ZC3HAV1: variants seen among roughly 807,000 people sequenced by gnomAD.
ZC3HAV1 encodes the protein zinc finger CCCH-type containing, antiviral 1.
A neutral mutation model predicts 86.6 loss-of-function variants in ZC3HAV1; 41 were observed. That is an observed-to-expected ratio of 0.47 (90% CI 0.37 to 0.61). The LOEUF is 0.61. ZC3HAV1 is among the 20% of genes least tolerant of loss of function. The probability of loss-of-function intolerance (pLI) is 0.00; values close to 1 mark genes in which losing one functional copy is unlikely to be tolerated. For missense variants in ZC3HAV1, 964 were observed against 1,141.1 expected (o/e 0.84, Z 2.24); for synonymous variants, 421 against 432.1 (o/e 0.97, Z 0.32).
At position 139,064,886 on chromosome 7, in the gene ZC3HAV1, A is replaced by C; in HGVS notation, c.1986T>G (p.Ser662Arg). The C allele has an allele frequency of 1.2e-6, 2 of 1,613,924 alleles. No individual in the cohort carries two copies. Among genetic ancestry groups the C allele is most frequent in the Non-Finnish European group, 1.7e-6 (2 of 1,179,970 alleles). ...CCAAACACAGAAACCCACCTTGGAAACTCAGCTCATAGTTCCGTGAGCCCG... is the reference window on the plus strand; with the variant it reads ...CCAAACACAGAAACCCACCTTGGAACCTCAGCTCATAGTTCCGTGAGCCCG... The part of the protein sequence containing the change: ...FQAGSRNYEL[S>R]FQGMIQTNIA... The change falls in exon 8 of 13, where the codon AGT (serine) becomes AGG (arginine). Residue 662 changes from serine to arginine, a missense_variant. Physicochemically the swap from Ser to Arg is moderately radical, Grantham distance 110 (BLOSUM62 -1). Coordinates refer to ENST00000242351, the MANE Select transcript of ZC3HAV1 (RefSeq NM_020119.4).
chr7:139,106,360 C>T (rs2130743800), intron 1 of ZC3HAV1, among the ~76,000 whole-genome samples: 1 of 152,332 alleles, frequency 6.6e-6, no homozygotes. Flanking sequence ...GGCCTGTAAT[C>T]CCAGCACTTT....
intron 1 of ZC3HAV1, among the ~76,000 whole-genome samples, chr7:139,095,278 A>C (rs1404571435): frequency 6.6e-6 from 1 of 152,142 alleles, no homozygotes; most frequent in African/African-American, 2.4e-5. Context: ...TGTACTTCTG[A>C]TATTCAAGAT....
At chr7:139,060,633 G>T in intron 9 of ZC3HAV1, 1 of 1,061,972 alleles carries the variant, frequency 9.4e-7, no homozygotes, top group Middle Eastern at 4.6e-4. Context: ...TTGAGCTCAG[G>T]AGTTCAAGAC....
intron 1 of ZC3HAV1, among the ~76,000 whole-genome samples, chr7:139,097,422 A>ATTTTTT (rs1563140647): frequency 1.1e-4 from 9 of 79,468 alleles, no homozygotes; most frequent in Admixed American, 2.5e-4. Flanking sequence ...ATATATATAT[A>ATTTTTT]TATATATTTT....
chr7:139,080,348 C>G, intron 3 of ZC3HAV1, 105 bp from the exon 4 acceptor site: 1 of 1,371,990 alleles, frequency 7.3e-7, no homozygotes, highest in East Asian at 2.3e-5. Flanking sequence ...GCTTTGCTAT[C>G]CAAGTGCTAT....
intron 9 of ZC3HAV1, 77 bp from the exon 10 acceptor site, chr7:139,055,372 A>G: frequency 4.6e-6 from 6 of 1,293,068 alleles, no homozygotes; most frequent in Non-Finnish European, 6.6e-6. Context: ...ACTTCCAGCC[A>G]CTAGGCCAAG....
At chr7:139,053,662 AATC>A in intron 11 of ZC3HAV1, 81 bp from the exon 12 acceptor site, 1 of 1,474,276 alleles carries the variant, frequency 6.8e-7, no homozygotes, top group Non-Finnish European at 8.9e-7. Context: ...GCTAAAGTCT[AATC>A]ATCTAAAAAT....
intron 10 of ZC3HAV1, among the ~76,000 whole-genome samples, chr7:139,054,301 C>A (rs1232757466): frequency 1.3e-5 from 2 of 152,148 alleles, no homozygotes; most frequent in African/African-American, 2.4e-5. Context: ...TCCAGGCCAA[C>A]TGAAAGCTAG....
chr7:139,075,317 T>C lies in ZC3HAV1; in HGVS notation c.1697+969A>G, dbSNP rs575478123. Among the ~76,000 whole-genome samples the C allele has an allele frequency of 5.9e-5, 9 of 152,296 alleles. No individual in the cohort carries two copies. In the South Asian group the frequency reaches 1.9e-3, roughly 32 times the overall value. ...TCATATGATGAAAAGTAATGTAACT[T>C]TTCCCCCTTAAGAATTTCCTTATAA... On this transcript the variant is annotated intron_variant, in intron 6 of 12. Transcript: ENST00000242351.
chr7:139,083,500 A>T (rs1299406752), intron 3 of ZC3HAV1, among the ~76,000 whole-genome samples: 2 of 152,090 alleles, frequency 1.3e-5, no homozygotes, highest in African/African-American at 4.8e-5. Flanking sequence ...AGGCTGAGGC[A>T]GGGAGATTAC....
intron 12 of ZC3HAV1, among the ~76,000 whole-genome samples, chr7:139,049,059 C>T (rs998755578): frequency 1.3e-5 from 2 of 150,358 alleles, no homozygotes; most frequent in Non-Finnish European, 3.0e-5. Flanking sequence ...AACTGTTCTA[C>T]AACTTTTTTT....
At chr7:139,103,325 G>GAAC (rs1343035178) in intron 1 of ZC3HAV1, among the ~76,000 whole-genome samples, 1 of 145,582 alleles carries the variant, frequency 6.9e-6, no homozygotes, top group Non-Finnish European at 1.5e-5. Flanking sequence ...GGCTAGTCTT[G>GAAC]AACTCCTGTC....
chr7:139,088,629 AC>A (rs1189057135), intron 2 of ZC3HAV1, among the ~76,000 whole-genome samples: 2 of 151,918 alleles, frequency 1.3e-5, no homozygotes, highest in Non-Finnish European at 2.9e-5. Flanking sequence ...AACTCAGGCT[AC>A]CCCCCTGTCC....
chr7:139,072,962 G>C (rs1265377475), intron 7 of ZC3HAV1, among the ~76,000 whole-genome samples: 1 of 152,134 alleles, frequency 6.6e-6, no homozygotes, highest in Non-Finnish European at 1.5e-5. Context: ...TGAGGAAAGA[G>C]GGAAGTGCAG....
chr7:139,091,885 T>A (rs1032104471), intron 1 of ZC3HAV1, among the ~76,000 whole-genome samples: 1 of 152,164 alleles, frequency 6.6e-6, no homozygotes, highest in African/African-American at 2.4e-5. Flanking sequence ...TTGAGCGAGT[T>A]AGAGAAAACG....
In ZC3HAV1 at chr7:139,045,151, T is replaced by C. The variant is rs1334674864; in HGVS notation, c.*2443A>G. 2 of 152,206 alleles carry C rather than the reference T, an allele frequency of 1.3e-5. No homozygotes were observed. The highest frequency in any genetic ancestry group is 2.9e-5 in the Non-Finnish European group (2 of 68,028). 9.4% of individuals were successfully genotyped at this position (152,206 alleles called of 1,614,324 possible). A position where few individuals can be genotyped will look rare whatever the true frequency, so the allele number is the denominator to read the frequency against. On this transcript the variant is annotated 3_prime_UTR_variant, in exon 13 of 13. Transcript: ENST00000242351. ...TTTAATTTTTAATTTATTTCTAAAA[T>C]TGTGTGTAGGTGGAGCATATTACCT...
chr7:139,073,108 C>G lies in ZC3HAV1; in HGVS notation c.1872+748G>C, dbSNP rs111438306. Among the ~76,000 whole-genome samples, 477 of 152,114 alleles carry G rather than the reference C, an allele frequency of 3.1e-3. 3 individuals carry two copies. Among genetic ancestry groups the G allele is most frequent in the African/African-American group, 0.011 (466 of 41,490 alleles). ...GTCAGGAGTTCACGACTAGCCTGTC[C>G]AACATGTTGAAACCCCATGTCTACT... On this transcript the variant is annotated intron_variant, in intron 7 of 12. Coordinates refer to ENST00000242351, the MANE Select transcript of ZC3HAV1 (RefSeq NM_020119.4).
At chr7:139,085,169 C>T (rs1276928340) in intron 2 of ZC3HAV1, among the ~76,000 whole-genome samples, 1 of 152,162 alleles carries the variant, frequency 6.6e-6, no homozygotes, top group African/African-American at 2.4e-5. Context: ...AGAGGTGGGG[C>T]CCAACAGTCT....
chr7:139,057,860 T>C (rs1485058867), intron 9 of ZC3HAV1, among the ~76,000 whole-genome samples: 3 of 152,140 alleles, frequency 2.0e-5, no homozygotes, highest in Non-Finnish European at 4.4e-5. Flanking sequence ...TTTTAAAAAA[T>C]AAATGCTTGA....
Sources: allele counts gnomAD v4.1 joint callset (sites outside exome capture counted in the v4.1 genomes callset), GRCh38; gene constraint gnomAD v4.1.1; transcripts MANE v1.5; gene names NCBI Gene and HGNC (gene_info 2026-07-23, HGNC 2026-07-21).